The following RSU1 variants were observed in gnomAD, a reference collection of about 807,000 sequenced individuals.
RSU1 encodes rsu-1.
RSU1 carries 26 observed loss-of-function variants against 31.1 expected under a neutral mutation model. The ratio of observed to expected loss-of-function variants is 0.84; its 90% CI spans 0.61 to 1.16. The LOEUF is 1.16. RSU1 is among the 50% of genes most tolerant of loss of function. The pLI is 0.00. For missense variants in RSU1, 320 were observed against 339.1 expected, an observed-to-expected ratio of 0.94 and a Z score of 0.44; for synonymous variants, 164 against 136.3, an observed-to-expected ratio of 1.20 and a Z score of -1.41.
chr10:16,666,178 T>C (rs1834984194), intron 8 of RSU1, among the ~76,000 whole-genome samples: 1 of 152,220 alleles, frequency 6.6e-6, no homozygotes. Flanking sequence ...TCTAGGTCTG[T>C]ATACTAGAAT....
At chr10:16,647,789 T>C (rs192532324) in intron 8 of RSU1, among the ~76,000 whole-genome samples, 1 of 152,220 alleles carries the variant, frequency 6.6e-6, no homozygotes, top group East Asian at 1.9e-4. Flanking sequence ...GCTACTGAAG[T>C]GCACATTTTG....
At chr10:16,761,409 G>A (rs148695290) in intron 4 of RSU1, among the ~76,000 whole-genome samples, 1 of 152,262 alleles carries the variant, frequency 6.6e-6, no homozygotes, top group African/African-American at 2.4e-5. Context: ...TAAGGAACTT[G>A]GTAAATCCTC....
intron 2 of RSU1, among the ~76,000 whole-genome samples, chr10:16,805,624 G>C (rs371476275): frequency 1.8e-4 from 27 of 149,322 alleles, no homozygotes; most frequent in South Asian, 8.5e-4. Flanking sequence ...TGCAGTGAGC[G>C]GAGATCACGC....
chr10:16,633,944 C>T (rs910774016), intron 8 of RSU1, among the ~76,000 whole-genome samples: 2 of 152,154 alleles, frequency 1.3e-5, no homozygotes, highest in Non-Finnish European at 2.9e-5. Context: ...AACTGGTTTT[C>T]CCCTCCCAAT....
At chr10:16,690,604 T>C (rs969856185) in intron 8 of RSU1, among the ~76,000 whole-genome samples, 1 of 152,248 alleles carries the variant, frequency 6.6e-6, no homozygotes, top group Non-Finnish European at 1.5e-5. Context: ...CTGAATTCAT[T>C]GTTTTCTTTC....
chr10:16,621,436 T>A (rs72782549), intron 8 of RSU1, among the ~76,000 whole-genome samples: 5,465 of 152,324 alleles, frequency 0.036, 123 homozygotes, highest in Non-Finnish European at 0.053. Context: ...CCAGTAGTGG[T>A]TCCCAAAGGT....
At chr10:16,776,936 T>G (rs992321659) in intron 3 of RSU1, among the ~76,000 whole-genome samples, 22 of 152,064 alleles carry the variant, frequency 1.4e-4, no homozygotes, top group Admixed American at 3.3e-4. Context: ...ATTTTTTTTT[T>G]GAGATAGGGT....
intron 3 of RSU1, among the ~76,000 whole-genome samples, chr10:16,773,340 G>A (rs1164870684): frequency 6.6e-6 from 1 of 152,172 alleles, no homozygotes; most frequent in African/African-American, 2.4e-5. Flanking sequence ...AAAGGAAGAG[G>A]CCCAGGGCTA....
chr10:16,632,209 T>C (rs1406145465), intron 8 of RSU1, among the ~76,000 whole-genome samples: 1 of 152,202 alleles, frequency 6.6e-6, no homozygotes, highest in Non-Finnish European at 1.5e-5. Flanking sequence ...TCTTCCCTGG[T>C]ACATACATGA....
At chr10:16,675,528 G>A (rs1207999503) in intron 8 of RSU1, among the ~76,000 whole-genome samples, 1 of 152,112 alleles carries the variant, frequency 6.6e-6, no homozygotes, top group Non-Finnish European at 1.5e-5. Context: ...TACACACTTG[G>A]CAGCCAATTC....
chr10:16,637,735 A>C (rs1321099249), intron 8 of RSU1, among the ~76,000 whole-genome samples: 1 of 152,178 alleles, frequency 6.6e-6, no homozygotes, highest in Non-Finnish European at 1.5e-5. Flanking sequence ...TGACCGCGTA[A>C]ACATGACTAG....
At chr10:16,654,677 A>T (rs938608319) in intron 8 of RSU1, among the ~76,000 whole-genome samples, 23 of 134,930 alleles carry the variant, frequency 1.7e-4, no homozygotes, top group Non-Finnish European at 1.1e-4. Context: ...TCAAAAACAA[A>T]AACAAAAAAA....
At chr10:16,620,461 G>T (rs905413013) in intron 8 of RSU1, among the ~76,000 whole-genome samples, 2 of 151,926 alleles carry the variant, frequency 1.3e-5, no homozygotes, top group Non-Finnish European at 2.9e-5. Context: ...CCTCTACAGT[G>T]GGGGAACCAG....
At chr10:16,716,159 A>C (rs1009882461) in intron 7 of RSU1, among the ~76,000 whole-genome samples, 2 of 152,190 alleles carry the variant, frequency 1.3e-5, no homozygotes, top group Non-Finnish European at 2.9e-5. Context: ...TATCTCAGAA[A>C]AAGTTCAAAT....
chr10:16,711,211 A>G lies in RSU1; in HGVS notation c.599-16056T>C, dbSNP rs538199611. 5.9e-5 allele frequency among the ~76,000 whole-genome samples: 9 copies of G among 152,220 alleles called. No homozygotes were observed. The South Asian group carries it at 1.9e-3, about 32-fold the overall frequency. On this transcript the variant is annotated intron_variant, in intron 7 of 8. Coordinates refer to ENST00000345264, the MANE Select transcript of RSU1 (RefSeq NM_012425.4). ...ATTTGTTGGCATATAGCAGCTCATA[A>G]TATTCTCTATAATTTTCTGTATTTC...
intron 8 of RSU1, among the ~76,000 whole-genome samples, chr10:16,635,037 T>C (rs968072314): frequency 1.3e-5 from 2 of 152,220 alleles, no homozygotes; most frequent in Non-Finnish European, 2.9e-5. Context: ...GACCCAGCCA[T>C]TCTGCTTCTG....
chr10:16,732,836 T>C (rs554055409), intron 7 of RSU1, among the ~76,000 whole-genome samples: 51 of 152,288 alleles, frequency 3.3e-4, no homozygotes, highest in Admixed American at 7.8e-4. Flanking sequence ...TACGAAGATA[T>C]TAGATAAGAA....
At chr10:16,755,531 T>G (rs1323707483) in intron 4 of RSU1, among the ~76,000 whole-genome samples, 1 of 152,148 alleles carries the variant, frequency 6.6e-6, no homozygotes, top group Non-Finnish European at 1.5e-5. Context: ...TACTACATCA[T>G]GGAATGGTTT....
At chr10:16,755,031 C>T in intron 4 of RSU1, 42 bp from the exon 5 acceptor site, 1 of 1,220,590 alleles carries the variant, frequency 8.2e-7, no homozygotes, top group South Asian at 1.2e-5. Flanking sequence ...ACACCAAAGA[C>T]ACATTCATAC....
Sources: gnomAD v4.1 joint callset for allele counts (sites outside exome capture counted in the v4.1 genomes callset) on GRCh38, gnomAD v4.1.1 for gene constraint, MANE v1.5 for transcripts, NCBI Gene and HGNC (gene_info 2026-07-23, HGNC 2026-07-21) for gene names.